PCNT: variants seen among roughly 807,000 people sequenced by gnomAD.
The protein encoded by PCNT is kendrin.
Under a neutral mutation model 380.4 loss-of-function variants are expected in PCNT, and 319 were observed. The ratio of observed to expected loss-of-function variants is 0.84; its 90% CI spans 0.77 to 0.92. The LOEUF (loss-of-function observed/expected upper bound fraction) is 0.92, where lower values mean the gene tolerates loss of function less well. Among genes scored for constraint, PCNT ranks in the 40% least tolerant of loss-of-function variants. The pLI, the probability that PCNT is intolerant of heterozygous loss-of-function variation, is 0.00. For missense variants in PCNT, 4,400 were observed against 4,255.3 expected (o/e 1.03, Z -0.95); for synonymous variants, 1,845 against 1,735.2 (o/e 1.06, Z -1.57).
At chr21:46,439,465 TGCAGTGGTGTCA>T (rs950875573) in intron 41 of PCNT, among the ~76,000 whole-genome samples, 3 of 152,182 alleles carry the variant, frequency 2.0e-5, no homozygotes, top group African/African-American at 7.2e-5. Context: ...CCTCCTGACC[TGCAGTGGTGTCA>T]GCAGCAACCT....
At chr21:46,349,926 T>A in intron 8 of PCNT, 106 bp downstream of exon 8, 1 of 1,141,664 alleles carries the variant, frequency 8.8e-7, no homozygotes, top group Non-Finnish European at 1.3e-6. Flanking sequence ...ACTTAAGTTC[T>A]AAATTTAAAG....
intron 9 of PCNT, 145 bp from the exon 10 acceptor site, chr21:46,352,959 T>C: frequency 1.4e-6 from 1 of 719,772 alleles, no homozygotes; most frequent in Non-Finnish European, 2.5e-6. Context: ...GTCTAAGCCG[T>C]AGGGGTCCCT....
chr21:46,418,256 T>G lies in PCNT; in HGVS notation c.6974T>G (p.Leu2325Ter). The G allele has an allele frequency of 1.2e-6, 2 of 1,610,124 alleles. No homozygotes were observed. Among genetic ancestry groups the G allele is most frequent in the Non-Finnish European group, 1.7e-6 (2 of 1,176,316 alleles). ...ITTSFDSQET[L>*]SSPPPGLEGK... Reference sequence around the variant, plus strand: ...ACATCCTTTGATTCTCAAGAAACATTAAGTTCACCTCCTCCTGGATTAGAA... The same window carrying G: ...ACATCCTTTGATTCTCAAGAAACATGAAGTTCACCTCCTCCTGGATTAGAA... Residue 2325 changes from leucine (L) to a stop codon, truncating the protein, a stop_gained, in exon 31 of 47, where the codon TTA (leucine) becomes TGA (stop). Transcript: ENST00000359568. LOFTEE classifies it high-confidence loss of function.
At chr21:46,367,853 A>T (rs2084982784) in intron 15 of PCNT, among the ~76,000 whole-genome samples, 2 of 152,208 alleles carry the variant, frequency 1.3e-5, no homozygotes, top group South Asian at 2.1e-4. Context: ...ATGTTTCCTG[A>T]AATAAAACCC....
chr21:46,425,421 C>T lies in PCNT; in HGVS notation c.7180-410C>T, dbSNP rs536828729. Among the ~76,000 whole-genome samples, 5 of 152,324 alleles carry T rather than the reference C, an allele frequency of 3.3e-5. No individual in the cohort carries two copies. Among genetic ancestry groups the T allele is most frequent in the East Asian group, 1.9e-4 (1 of 5,176 alleles). ...CTGGGTGGCCATCGTGTGGCCTTCT[C>T]GTAGCGTCCCAGGTGGGCAGGGAGT... On this transcript the variant is annotated intron_variant, in intron 32 of 46. Coordinates refer to ENST00000359568, the MANE Select transcript of PCNT (RefSeq NM_006031.6). This position sits in a 1 kb window ranked among gnomAD's most constrained non-coding sequence, Gnocchi z 4.2.
At chr21:46,435,485 C>A (rs1376057709) in intron 38 of PCNT, among the ~76,000 whole-genome samples, 1 of 151,834 alleles carries the variant, frequency 6.6e-6, no homozygotes, top group Non-Finnish European at 1.5e-5. Context: ...TGCAGTCTCC[C>A]AAAGTGCTGG....
intron 24 of PCNT, 148 bp downstream of exon 24, chr21:46,398,403 A>C (rs2086280854): frequency 3.7e-6 from 3 of 810,296 alleles, no homozygotes; most frequent in Non-Finnish European, 2.0e-6. Flanking sequence ...AAGCTGTAGT[A>C]GGTTCGTTTA....
chr21:46,361,607 G>A (rs2084720229), intron 13 of PCNT, among the ~76,000 whole-genome samples: 1 of 152,128 alleles, frequency 6.6e-6, no homozygotes, highest in Non-Finnish European at 1.5e-5. Flanking sequence ...GAAAACATGT[G>A]TTTGAAAGAA....
Position 46,326,363 on chromosome 21 carries a change from A to G in PCNT, c.55-14A>G, listed in dbSNP as rs373020417. The G allele has an allele frequency of 6.2e-6, 10 of 1,613,496 alleles. No homozygotes were observed. The African/African-American group carries it at 9.3e-5, about 15-fold the overall frequency. On this transcript the variant is annotated splice_polypyrimidine_tract_variant and intron_variant, in intron 1 of 46. Transcript: ENST00000359568. The stretch of plus-strand genomic sequence containing the variant: ...TTACCTTTGCCTTTACTACTTATCT[A>G]CATTTTTGCGCAGCTTGCTCACTTC...
chr21:46,433,293 G>A (rs181804524), intron 38 of PCNT, among the ~76,000 whole-genome samples: 2 of 152,354 alleles, frequency 1.3e-5, no homozygotes, highest in African/African-American at 4.8e-5. Context: ...TGGGGCAGGA[G>A]AATTGCTTGA....
chr21:46,383,358 C>T lies in PCNT; in HGVS notation c.3312+1518C>T, dbSNP rs149591354. ...CACATTCACGGTGTGCATTCAGTGG[C>T]GGAAGCGCATTCACCATGTTGTATA... On this transcript the variant is annotated intron_variant, in intron 16 of 46. Coordinates refer to ENST00000359568, the MANE Select transcript of PCNT (RefSeq NM_006031.6). Among the ~76,000 whole-genome samples the T allele has an allele frequency of 6.3e-5, 9 of 143,468 alleles. 1 individual carries two copies. Among genetic ancestry groups the T allele is most frequent in the East Asian group, 2.2e-4 (1 of 4,592 alleles). The allele number at this position is 143,468 out of a possible 152,430, so 94.1% of individuals were successfully genotyped here.
Position 46,358,279 on chromosome 21 carries a change from C to T in PCNT, c.2154+1088C>T, listed in dbSNP as rs184721321. Among the ~76,000 whole-genome samples the T allele has an allele frequency of 8.1e-4, 123 of 152,350 alleles. 1 individual carries two copies. The highest frequency in any genetic ancestry group is 2.5e-3 in the African/African-American group (104 of 41,586). On this transcript the variant is annotated intron_variant, in intron 13 of 46. Transcript: ENST00000359568. ...TTCTGACTCAACCTCATGCTTGTGA[C>T]AGTGTTTTCATTTCTATTTGTGTCC...
chr21:46,371,718 G>T (rs1011799804), intron 15 of PCNT, among the ~76,000 whole-genome samples: 1 of 152,190 alleles, frequency 6.6e-6, no homozygotes, highest in African/African-American at 2.4e-5. Context: ...CCCACTTGTG[G>T]ACCCGTGCAC....
chr21:46,359,789 G>A (rs979254594), intron 13 of PCNT, among the ~76,000 whole-genome samples: 8 of 151,596 alleles, frequency 5.3e-5, no homozygotes, highest in African/African-American at 9.7e-5. Flanking sequence ...ACCCAGCCTC[G>A]TCTTTTATCA....
chr21:46,436,595 C>G (rs1487550413), intron 39 of PCNT, among the ~76,000 whole-genome samples: 1 of 151,856 alleles, frequency 6.6e-6, no homozygotes. Flanking sequence ...TTTCCCTATA[C>G]ACAGAAACTC....
rs1569272684 is a variant in PCNT at position 46,413,300 on chromosome 21, AACGGGGAAG to A, written c.6150+309_6150+317del. Among the ~76,000 whole-genome samples the A allele has an allele frequency of 1.1e-4, 11 of 95,804 alleles. 1 individual carries two copies. The highest frequency in any genetic ancestry group is 3.8e-4 in the South Asian group (1 of 2,602). The allele number at this position is 95,804 out of a possible 152,430, so 62.9% of individuals were successfully genotyped here. The stretch of plus-strand genomic sequence containing the variant: ...GGACACGCGGCAGCAAGGTGTGGGG[AACGGGGAAG>A]GCACGAGGCCCACCCGGGAGAGGCT... On this transcript the variant is annotated intron_variant, in intron 29 of 46. Transcript: ENST00000359568.
intron 36 of PCNT, 96 bp downstream of exon 36, chr21:46,430,328 G>A (rs769736448): frequency 9.2e-5 from 128 of 1,392,804 alleles, no homozygotes; most frequent in East Asian, 2.0e-4. Flanking sequence ...CTGGTGGGCC[G>A]CAGTTGGGCA....
At position 46,416,419 on chromosome 21, in the gene PCNT, T is replaced by C; in HGVS notation, c.6501T>C (p.Asp2167=). ...GGVTDVIKNW[D]SLIPDEMPDS... is the part of the protein sequence containing the mutation. ...TAACTGATGTTATCAAAAATTGGGA[T>C]TCCTTGATACCAGATGAAATGCCAG... Residue 2167 remains aspartate, a synonymous_variant, in exon 30 of 47, where the codon GAT becomes GAC. Coordinates refer to ENST00000359568, the MANE Select transcript of PCNT (RefSeq NM_006031.6). 1 of 1,614,136 alleles carries C rather than the reference T, an allele frequency of 6.2e-7. No homozygotes were observed.
In PCNT at chr21:46,334,412, G is replaced by A; in HGVS notation, c.283G>A (p.Gly95Arg). 1.2e-6 allele frequency: 2 copies of A among 1,614,178 alleles called. No individual in the cohort carries two copies. Among genetic ancestry groups the A allele is most frequent in the Non-Finnish European group, 1.7e-6 (2 of 1,180,020 alleles). The change falls in exon 3 of 47, where the codon GGA becomes AGA. Residue 95 changes from glycine to arginine, a missense_variant. Gly to Arg is a moderately radical substitution (Grantham distance 125, BLOSUM62 -2). Transcript: ENST00000359568. The part of the protein sequence containing the change: ...AFAAQPEDCD[G>R]EKREDLEQLQ... ...CCCTTCTTAGCCGGAGGACTGTGATGGAGAGAAGAGAGAGGACTTGGAACA... is the reference window on the plus strand; with the variant it reads ...CCCTTCTTAGCCGGAGGACTGTGATAGAGAGAAGAGAGAGGACTTGGAACA...
Sources: allele counts gnomAD v4.1 joint callset (sites outside exome capture counted in the v4.1 genomes callset), GRCh38; gene constraint gnomAD v4.1.1; non-coding constraint Gnocchi (gnomAD v3.1); transcripts MANE v1.5; gene names NCBI Gene and HGNC (gene_info 2026-07-23, HGNC 2026-07-21).